Variants in CTIF observed in about 807,000 individuals in gnomAD.
The protein encoded by CTIF is cap binding complex dependent translation initiation factor.
Under a neutral mutation model 66.0 loss-of-function variants are expected in CTIF, and 21 were observed. That is an observed-to-expected ratio of 0.32 (90% CI 0.23 to 0.46). CTIF has a LOEUF of 0.46. CTIF is among the 20% of genes least tolerant of loss of function. The pLI is 1.00. For synonymous variants in CTIF, 345 were observed against 326.4 expected, an observed-to-expected ratio of 1.06 and a Z score of -0.62; for missense variants, 739 against 812.7, an observed-to-expected ratio of 0.91 and a Z score of 1.10.
intron 1 of CTIF, among the ~76,000 whole-genome samples, chr18:48,584,983 C>A (rs920668114): frequency 1.3e-5 from 2 of 152,256 alleles, no homozygotes; most frequent in Non-Finnish European, 2.9e-5. Context: ...AGAAGGCCAT[C>A]AGTTGTTCTG....
chr18:48,553,532 C>T (rs530402944), intron 1 of CTIF, among the ~76,000 whole-genome samples: 6 of 152,230 alleles, frequency 3.9e-5, no homozygotes, highest in Non-Finnish European at 7.3e-5. Context: ...AGCCGCCCAG[C>T]TCCTGGCTCA....
rs111757627 is a variant in CTIF, at chr18:48,590,864, C to A, written c.-28-28674C>A. ...TGCTTATTATGTTAGTCATTTACCC[C>A]ATAGTGTGAATATCAGTCCTCTCCC... On this transcript the variant is annotated intron_variant, in intron 1 of 11. Transcript: ENST00000256413. 4.8e-3 allele frequency among the ~76,000 whole-genome samples: 725 copies of A among 152,250 alleles called. 4 individuals carry two copies. The highest frequency in any genetic ancestry group is 0.034 in the Middle Eastern group (10 of 294).
intron 1 of CTIF, chr18:48,567,668 G>A (rs755628091): frequency 6.6e-6 from 1 of 152,292 alleles, no homozygotes; most frequent in Non-Finnish European, 1.5e-5. Context: ...TAGTCAGAAA[G>A]AAGTGGGGAA....
At chr18:48,662,639 T>C (rs957257637) in intron 3 of CTIF, 1 of 151,608 alleles carries the variant, frequency 6.6e-6, no homozygotes, top group African/African-American at 2.4e-5. Flanking sequence ...TCCTTCTAGT[T>C]AATCAAAGCT....
At chr18:48,814,372 G>A (rs1274484861) in intron 9 of CTIF, among the ~76,000 whole-genome samples, 1 of 152,144 alleles carries the variant, frequency 6.6e-6, no homozygotes, top group Non-Finnish European at 1.5e-5. Flanking sequence ...AAGACTTTCC[G>A]GGGTGGGGTC....
At chr18:48,727,515 T>C (rs8083702) in intron 7 of CTIF, among the ~76,000 whole-genome samples, 52,513 of 152,104 alleles carry the variant, frequency 0.35, 11,095 homozygotes, top group African/African-American at 0.59. Flanking sequence ...TCCCTTCCAG[T>C]CCAAGTTGTT....
At chr18:48,705,136 T>C (rs1394559281) in intron 6 of CTIF, among the ~76,000 whole-genome samples, 1 of 152,166 alleles carries the variant, frequency 6.6e-6, no homozygotes, top group African/African-American at 2.4e-5. Flanking sequence ...GGGTAATGGG[T>C]GTCCACGGGC....
At chr18:48,605,788 G>A (rs1031572072) in intron 1 of CTIF, among the ~76,000 whole-genome samples, 5 of 152,100 alleles carry the variant, frequency 3.3e-5, no homozygotes, top group African/African-American at 1.2e-4. Flanking sequence ...CCTCCCTTCC[G>A]GCTTCTGTTG....
intron 7 of CTIF, among the ~76,000 whole-genome samples, chr18:48,739,465 C>A (rs12969405): frequency 6.6e-6 from 1 of 152,056 alleles, no homozygotes. Context: ...TGGTGGGACG[C>A]GCCACAGTAC....
intron 7 of CTIF, among the ~76,000 whole-genome samples, chr18:48,750,395 C>A (rs1321394554): frequency 6.6e-6 from 1 of 152,238 alleles, no homozygotes; most frequent in African/African-American, 2.4e-5. Flanking sequence ...TAGAGTATCC[C>A]CAAGAAAGCC....
At chr18:48,717,641 T>C (rs548532075) in intron 7 of CTIF, among the ~76,000 whole-genome samples, 153 of 152,278 alleles carry the variant, frequency 1.0e-3, no homozygotes, top group African/African-American at 3.5e-3. Flanking sequence ...AATTTTGTAC[T>C]GTGTGAATTA....
chr18:48,560,039 G>A (rs993795233), intron 1 of CTIF, among the ~76,000 whole-genome samples: 1 of 152,114 alleles, frequency 6.6e-6, no homozygotes, highest in East Asian at 1.9e-4. Flanking sequence ...AAAGTGAATG[G>A]CCCAAGAAAC....
rs1002093399 is a variant in CTIF at position 48,819,964 on chromosome 18, G to C, written c.1527+2588G>C. Among the ~76,000 whole-genome samples, 4 of 151,946 alleles carry C rather than the reference G, an allele frequency of 2.6e-5. No homozygotes were observed. In the Admixed American group the frequency reaches 2.6e-4, roughly 10 times the overall value. Reference sequence around the variant, plus strand: ...GACAGCTAAGTGCACTAGGGACAACGAGGCCGGAGGATGGAAGGAAGTGCC... The same window carrying C: ...GACAGCTAAGTGCACTAGGGACAACCAGGCCGGAGGATGGAAGGAAGTGCC... On this transcript the variant is annotated intron_variant, in intron 10 of 11. Coordinates refer to ENST00000256413, the MANE Select transcript of CTIF (RefSeq NM_014772.3).
chr18:48,719,916 G>A (rs143722783), intron 7 of CTIF, among the ~76,000 whole-genome samples: 8 of 152,166 alleles, frequency 5.3e-5, no homozygotes, highest in Admixed American at 2.6e-4. Context: ...GCTGTTGGCC[G>A]TGAGTTCAAT....
chr18:48,844,144 G>A (rs1035306640), intron 10 of CTIF, among the ~76,000 whole-genome samples: 1 of 152,246 alleles, frequency 6.6e-6, no homozygotes. Context: ...CTCCTCAGGA[G>A]GGATCTTGGA....
chr18:48,558,413 T>C (rs1311882556), intron 1 of CTIF, among the ~76,000 whole-genome samples: 2 of 152,258 alleles, frequency 1.3e-5, no homozygotes, highest in Admixed American at 6.5e-5. Context: ...TTCTGGGTAA[T>C]GTTGCATGAA....
At chr18:48,750,236 G>A (rs1174242861) in intron 7 of CTIF, among the ~76,000 whole-genome samples, 1 of 152,166 alleles carries the variant, frequency 6.6e-6, no homozygotes, top group Non-Finnish European at 1.5e-5. Context: ...CTGCAGGTGG[G>A]CATACTGAGC....
chr18:48,573,264 T>C (rs946278000), intron 1 of CTIF, among the ~76,000 whole-genome samples: 2 of 152,104 alleles, frequency 1.3e-5, no homozygotes, highest in Non-Finnish European at 2.9e-5. Flanking sequence ...AGAGCAGCTT[T>C]AAAACACTAC....
At chr18:48,808,656 C>T (rs1309473617) in intron 9 of CTIF, among the ~76,000 whole-genome samples, 2 of 151,954 alleles carry the variant, frequency 1.3e-5, no homozygotes, top group African/African-American at 4.8e-5. Context: ...GTGAATAATG[C>T]TTCCTTTGCC....
Sources: gnomAD v4.1 joint callset for allele counts (sites outside exome capture counted in the v4.1 genomes callset) on GRCh38, gnomAD v4.1.1 for gene constraint, MANE v1.5 for transcripts, NCBI Gene and HGNC (gene_info 2026-07-23, HGNC 2026-07-21) for gene names.